PALM2AKAP2: variants seen among roughly 807,000 people sequenced by gnomAD.
The protein encoded by PALM2AKAP2 is PALM2-AKAP2 fusion protein.
In PALM2AKAP2, 37 loss-of-function variants were observed where a neutral mutation model predicts 71.5. The observed-to-expected ratio is 0.52, with a 90% CI of 0.40 to 0.68. PALM2AKAP2 has a LOEUF of 0.68. Ranked by LOEUF, PALM2AKAP2 falls within the 30% of genes least tolerant of loss-of-function variation. The pLI is 0.00. For missense variants in PALM2AKAP2, 1,224 were observed against 1,191.8 expected (o/e 1.03, Z -0.40); for synonymous variants, 468 against 478.8 (o/e 0.98, Z 0.29).
chr9:109,827,723 A>G (rs1191261581), intron 1 of PALM2AKAP2, among the ~76,000 whole-genome samples: 5 of 152,168 alleles, frequency 3.3e-5, no homozygotes, highest in Non-Finnish European at 7.4e-5. Flanking sequence ...GCAGGCACTC[A>G]TTCACAGGTC....
intron 6 of PALM2AKAP2, among the ~76,000 whole-genome samples, chr9:110,008,700 A>G (rs1470936615): frequency 6.6e-6 from 1 of 152,030 alleles, no homozygotes; most frequent in East Asian, 1.9e-4. Context: ...GTTCTCACTC[A>G]TATTACATGG....
At chr9:109,953,093 T>TAG in intron 6 of PALM2AKAP2, among the ~76,000 whole-genome samples, 1 of 152,272 alleles carries the variant, frequency 6.6e-6, no homozygotes, top group Middle Eastern at 3.4e-3. Context: ...ACTAGTTTTG[T>TAG]AGTACATTGA....
chr9:109,816,345 G>A (rs770431273), intron 1 of PALM2AKAP2, among the ~76,000 whole-genome samples: 10 of 152,184 alleles, frequency 6.6e-5, no homozygotes, highest in Non-Finnish European at 1.5e-4. Context: ...GATCTTAGGC[G>A]AAAAGACATA....
intron 1 of PALM2AKAP2, among the ~76,000 whole-genome samples, chr9:109,709,649 A>G (rs960580270): frequency 3.9e-5 from 6 of 152,256 alleles, no homozygotes; most frequent in African/African-American, 1.4e-4. Context: ...GGGCCCAGGC[A>G]TGGGTTAAAG....
At chr9:109,940,073 C>T (rs922660515) in intron 6 of PALM2AKAP2, among the ~76,000 whole-genome samples, 4 of 152,132 alleles carry the variant, frequency 2.6e-5, no homozygotes, top group African/African-American at 7.2e-5. Context: ...GTATTTGTTA[C>T]TAGATTACAA....
chr9:109,873,032 T>C (rs1238982502), intron 2 of PALM2AKAP2, among the ~76,000 whole-genome samples: 3 of 152,174 alleles, frequency 2.0e-5, no homozygotes, highest in East Asian at 1.9e-4. Flanking sequence ...CAAGATCTTA[T>C]TTATTGAGAG....
chr9:109,952,430 T>A (rs1053613305), intron 6 of PALM2AKAP2, among the ~76,000 whole-genome samples: 5 of 152,212 alleles, frequency 3.3e-5, no homozygotes, highest in Non-Finnish European at 7.3e-5. Context: ...GGAGTTCTCA[T>A]CTGGTTGGGT....
chr9:109,768,782 G>T (rs904590057), intron 1 of PALM2AKAP2, among the ~76,000 whole-genome samples: 3 of 152,132 alleles, frequency 2.0e-5, no homozygotes, highest in African/African-American at 7.2e-5. Flanking sequence ...AAAGCACTTT[G>T]AATGAATTCA....
At chr9:109,741,442 A>C (rs559289854) in intron 1 of PALM2AKAP2, among the ~76,000 whole-genome samples, 1 of 152,182 alleles carries the variant, frequency 6.6e-6, no homozygotes, top group Admixed American at 6.5e-5. Context: ...CTTATTGTGC[A>C]TATACGTTTG....
chr9:110,061,771 T>C (rs957468268), intron 1 of PALM2AKAP2, among the ~76,000 whole-genome samples: 1 of 140,256 alleles, frequency 7.1e-6, no homozygotes, highest in African/African-American at 3.2e-5. Flanking sequence ...ACTCTTGAGC[T>C]CCAGTAATCT....
chr9:109,775,386 C>T (rs1020255144), upstream of PALM2AKAP2, among the ~76,000 whole-genome samples: 64 of 152,322 alleles, frequency 4.2e-4, no homozygotes, highest in African/African-American at 1.5e-3. Flanking sequence ...TTTCTGACTT[C>T]TTTCTATCTT....
chr9:110,168,344 A>G, intron 3 of PALM2AKAP2, 55 bp from the exon 11 acceptor site: 2 of 1,576,866 alleles, frequency 1.3e-6, no homozygotes. Flanking sequence ...AAGTCGGTTT[A>G]TGTTCATAAT....
chr9:109,699,743 C>T lies in PALM2AKAP2; in HGVS notation c.5+58877C>T, dbSNP rs1186860614. 8.6e-5 allele frequency among the ~76,000 whole-genome samples: 13 copies of T among 151,594 alleles called. No individual in the cohort carries two copies. In the East Asian group the frequency reaches 1.9e-3, roughly 23 times the overall value. On this transcript the variant is annotated intron_variant, in intron 1 of 6. Coordinates refer to the PALM2AKAP2 transcript ENST00000374531. The stretch of plus-strand genomic sequence containing the variant: ...TTCCATTTTTTTTCCCCTGTATTTT[C>T]CAATATCAACTGTCAGCAGCCATTA...
chr9:109,826,738 T>C (rs139163600), intron 1 of PALM2AKAP2, among the ~76,000 whole-genome samples: 23 of 152,268 alleles, frequency 1.5e-4, no homozygotes, highest in African/African-American at 5.5e-4. Flanking sequence ...TAAGTGTGAA[T>C]AGGGTGTGAA....
chr9:109,764,298 C>T (rs1380008289), intron 1 of PALM2AKAP2, among the ~76,000 whole-genome samples: 1 of 151,980 alleles, frequency 6.6e-6, no homozygotes, highest in African/African-American at 2.4e-5. Context: ...TCCCCAGGGC[C>T]ATCTCCCACC....
intron 1 of PALM2AKAP2, among the ~76,000 whole-genome samples, chr9:109,841,076 G>A (rs1268923769): frequency 6.6e-6 from 1 of 152,130 alleles, no homozygotes; most frequent in Non-Finnish European, 1.5e-5. Context: ...AGGTATGTTT[G>A]TTGTGACACT....
chr9:109,901,773 C>T (rs910860286), intron 3 of PALM2AKAP2, among the ~76,000 whole-genome samples: 6 of 152,160 alleles, frequency 3.9e-5, no homozygotes, highest in African/African-American at 1.4e-4. Context: ...GCAGGCCACT[C>T]ATTTTGGTTG....
intron 1 of PALM2AKAP2, among the ~76,000 whole-genome samples, chr9:109,813,668 G>A (rs1464390245): frequency 6.6e-6 from 1 of 152,082 alleles, no homozygotes; most frequent in East Asian, 1.9e-4. Flanking sequence ...TTAGGGGCCT[G>A]CATTTAGACT....
chr9:110,159,739 C>T (rs1038322248), intron 3 of PALM2AKAP2, among the ~76,000 whole-genome samples: 1 of 152,126 alleles, frequency 6.6e-6, no homozygotes, highest in Non-Finnish European at 1.5e-5. Flanking sequence ...CCCCCGAGCC[C>T]CCATCAGGGG....
Sources: allele counts gnomAD v4.1 joint callset (sites outside exome capture counted in the v4.1 genomes callset), GRCh38; gene constraint gnomAD v4.1.1; transcripts MANE v1.5; gene names NCBI Gene and HGNC (gene_info 2026-07-23, HGNC 2026-07-21).